Variants in GSG1L observed in about 807,000 individuals in gnomAD.
GSG1L encodes germ cell-specific gene 1-like protein.
A neutral mutation model predicts 42.1 loss-of-function variants in GSG1L; 24 were observed. That is an observed-to-expected ratio of 0.57 (90% CI 0.41 to 0.80). GSG1L has a LOEUF of 0.80. Among genes scored for constraint, GSG1L ranks in the 30% least tolerant of loss-of-function variants. GSG1L has a pLI of 0.00. For synonymous variants in GSG1L, 215 were observed against 203.5 expected (o/e 1.06, Z -0.48); for missense variants, 445 against 472.2 (o/e 0.94, Z 0.53).
intron 1 of GSG1L, among the ~76,000 whole-genome samples, chr16:28,044,030 A>G (rs1165515026): frequency 1.3e-5 from 2 of 151,350 alleles, no homozygotes; most frequent in African/African-American, 4.9e-5. Context: ...TGAAAAAAAC[A>G]AACAAAAAAA....
intron 1 of GSG1L, among the ~76,000 whole-genome samples, chr16:28,012,789 C>T (rs1357489309): frequency 4.0e-5 from 6 of 149,660 alleles, no homozygotes; most frequent in South Asian, 2.1e-4. Context: ...CCCAGCTACT[C>T]GGGAAGCTGA....
intron 3 of GSG1L, among the ~76,000 whole-genome samples, chr16:27,867,434 G>T (rs916474947): frequency 5.3e-5 from 8 of 152,178 alleles, no homozygotes; most frequent in Non-Finnish European, 1.2e-4. Flanking sequence ...GCAGAGGGTG[G>T]GCCTGGCTCC....
intron 3 of GSG1L, among the ~76,000 whole-genome samples, chr16:27,882,349 C>T (rs773129837): frequency 1.2e-4 from 19 of 152,248 alleles, no homozygotes; most frequent in Middle Eastern, 3.4e-3. Context: ...TTACTAGCAG[C>T]ATGAGAATGG....
In GSG1L at chr16:28,039,282, G is replaced by C. The variant is rs189326304; in HGVS notation, c.349+23794C>G. On this transcript the variant is annotated intron_variant, in intron 1 of 6. Transcript: ENST00000447459. ...TTTTCCATTCCACCCTATGACGTGG[G>C]AAATGCCCCTATGAAGGTTTCATGT... Among the ~76,000 whole-genome samples, 8 of 152,202 alleles carry C rather than the reference G, an allele frequency of 5.3e-5. No individual in the cohort carries two copies. In the East Asian group the frequency reaches 1.5e-3, roughly 29 times the overall value.
chr16:27,902,725 C>T (rs1285357927), intron 2 of GSG1L, among the ~76,000 whole-genome samples: 1 of 152,150 alleles, frequency 6.6e-6, no homozygotes, highest in African/African-American at 2.4e-5. Flanking sequence ...CAGCAGGGTG[C>T]CTTGGGCGTT....
At chr16:28,023,504 A>G (rs1226257613) in intron 1 of GSG1L, among the ~76,000 whole-genome samples, 1 of 152,196 alleles carries the variant, frequency 6.6e-6, no homozygotes, top group Non-Finnish European at 1.5e-5. Context: ...ATGAACATTT[A>G]TGGTTCTGAT....
At chr16:28,027,521 A>G (rs1227087392) in intron 1 of GSG1L, among the ~76,000 whole-genome samples, 1 of 152,220 alleles carries the variant, frequency 6.6e-6, no homozygotes, top group African/African-American at 2.4e-5. Flanking sequence ...TGCAGTGGCC[A>G]CTAGTCACAT....
chr16:27,948,556 T>C (rs1444634797), intron 2 of GSG1L, among the ~76,000 whole-genome samples: 1 of 150,876 alleles, frequency 6.6e-6, no homozygotes, highest in Non-Finnish European at 1.5e-5. Context: ...GTATTTTTAG[T>C]AGAGACGTGA....
intron 3 of GSG1L, among the ~76,000 whole-genome samples, chr16:27,868,057 C>T (rs1037235877): frequency 6.6e-6 from 1 of 152,246 alleles, no homozygotes; most frequent in African/African-American, 2.4e-5. Flanking sequence ...ATTCTTACCT[C>T]TTCCCACCTC....
chr16:27,888,385 TTTC>T (rs2084055692), intron 2 of GSG1L, among the ~76,000 whole-genome samples: 1 of 152,116 alleles, frequency 6.6e-6, no homozygotes, highest in South Asian at 2.1e-4. Context: ...TGGTTCTTTC[TTTC>T]TTTTCTTTTC....
At chr16:27,947,384 AAAAGAAAGAAAGAAAGAAAG>A (rs199991139) in intron 2 of GSG1L, among the ~76,000 whole-genome samples, 69 of 130,764 alleles carry the variant, frequency 5.3e-4, no homozygotes, top group East Asian at 2.6e-3. Flanking sequence ...GAAAGAAAGA[AAAAGAAAGAAAGAAAGAAAG>A]AAAGAAAGAA....
Position 27,790,164 on chromosome 16 carries a change from T to TGATG in GSG1L, c.*1202_*1205dup, listed in dbSNP as rs2082736338. ...TTATGAATGATGGATGGATGATGAA[T>TGATG]GATGGATGGATAATAGATGATGAAT... is the stretch of plus-strand genomic sequence containing the variant. On this transcript the variant is annotated 3_prime_UTR_variant, in exon 7 of 7. Coordinates refer to ENST00000447459, the MANE Select transcript of GSG1L (RefSeq NM_001109763.2). 1.3e-5 allele frequency: 2 copies of TGATG among 151,568 alleles called. 1 individual carries two copies. The highest frequency in any genetic ancestry group is 6.9e-3 in the Middle Eastern group (2 of 288). 9.4% of individuals were successfully genotyped at this position (151,568 alleles called of 1,614,324 possible). A position where few individuals can be genotyped will look rare whatever the true frequency, so the allele number is the denominator to read the frequency against.
intron 2 of GSG1L, among the ~76,000 whole-genome samples, chr16:27,946,579 A>AAGAAAGAG (rs1567529739): frequency 1.9e-4 from 7 of 37,028 alleles, no homozygotes; most frequent in East Asian, 1.6e-3. Context: ...GAAAGAAAGA[A>AAGAAAGAG]AGAGAGAGAG....
intron 3 of GSG1L, among the ~76,000 whole-genome samples, chr16:27,853,486 A>AG (rs1323899082): frequency 3.9e-5 from 6 of 151,992 alleles, no homozygotes; most frequent in Non-Finnish European, 8.8e-5. Context: ...GGACACGGGG[A>AG]GGGGGGTGAG....
At chr16:27,841,534 C>A (rs970482922) in intron 4 of GSG1L, among the ~76,000 whole-genome samples, 1 of 152,124 alleles carries the variant, frequency 6.6e-6, no homozygotes, top group Admixed American at 6.5e-5. Flanking sequence ...TCTCCAGTAC[C>A]GGGGGAGGGA....
chr16:27,858,583 A>G (rs1428643444), intron 3 of GSG1L, among the ~76,000 whole-genome samples: 1 of 152,234 alleles, frequency 6.6e-6, no homozygotes, highest in Non-Finnish European at 1.5e-5. Context: ...AAAGGAGTAT[A>G]TAAGACAAAA....
At chr16:27,803,462 T>C (rs1240632710) in intron 6 of GSG1L, among the ~76,000 whole-genome samples, 3 of 152,092 alleles carry the variant, frequency 2.0e-5, no homozygotes, top group Non-Finnish European at 4.4e-5. Flanking sequence ...CGCCTTTGTC[T>C]CCCTTCTTAG....
Position 27,802,117 on chromosome 16 carries a change from C to T in GSG1L, c.898+5370G>A, listed in dbSNP as rs147335025. ...GATGAGGCACCATGCCCTGCTATCCCGCACCCTGCATTGACCCCTTTCAAG... is the reference window on the plus strand; with the variant it reads ...GATGAGGCACCATGCCCTGCTATCCTGCACCCTGCATTGACCCCTTTCAAG... On this transcript the variant is annotated intron_variant, in intron 6 of 6. Coordinates refer to ENST00000447459, the MANE Select transcript of GSG1L (RefSeq NM_001109763.2). 6.2e-4 allele frequency among the ~76,000 whole-genome samples: 94 copies of T among 152,192 alleles called. 1 individual carries two copies. The East Asian group carries it at 0.015, about 24-fold the overall frequency.
intron 3 of GSG1L, among the ~76,000 whole-genome samples, chr16:27,875,521 T>C (rs2083876671): frequency 6.6e-6 from 1 of 152,174 alleles, no homozygotes; most frequent in African/African-American, 2.4e-5. Flanking sequence ...GGGCACCGGA[T>C]CGTTCGGTTC....
Sources: gnomAD v4.1 joint callset for allele counts (sites outside exome capture counted in the v4.1 genomes callset) on GRCh38, gnomAD v4.1.1 for gene constraint, MANE v1.5 for transcripts, NCBI Gene and HGNC (gene_info 2026-07-23, HGNC 2026-07-21) for gene names.